The following API5 variants were observed in gnomAD, a reference collection of about 807,000 sequenced individuals.
The protein encoded by API5 is FIF.
API5 carries 6 observed loss-of-function variants against 71.9 expected under a neutral mutation model. The observed-to-expected ratio is 0.08, with a 90% CI of 0.05 to 0.16. API5 has a LOEUF of 0.16. Ranked by LOEUF, API5 falls within the 10% of genes least tolerant of loss-of-function variation. The pLI is 1.00. For synonymous variants in API5, 189 were observed against 221.3 expected (o/e 0.85, Z 1.30); for missense variants, 332 against 612.8 (o/e 0.54, Z 4.84).
chr11:43,342,367 C>T, intron 13 of API5, 61 bp from the exon 14 acceptor site: 1 of 1,418,698 alleles, frequency 7.0e-7, no homozygotes, highest in Non-Finnish European at 9.6e-7. Context: ...TACGTTTCTT[C>T]TGCGTTTGCT....
At chr11:43,316,710 C>T (rs1455014148) in intron 1 of API5, among the ~76,000 whole-genome samples, 3 of 152,064 alleles carry the variant, frequency 2.0e-5, no homozygotes, top group African/African-American at 7.2e-5. Flanking sequence ...CCTCTAACTC[C>T]TGGGCGCGAC....
At position 43,342,636 on chromosome 11, in the gene API5, A is replaced by T. The variant is rs1220084314; in HGVS notation, c.*126A>T. The T allele has an allele frequency of 2.4e-5, 22 of 924,434 alleles. No individual in the cohort carries two copies. The highest frequency in any genetic ancestry group is 3.6e-5 in the Non-Finnish European group (21 of 580,874). The allele number at this position is 924,434 out of a possible 1,614,324, so 57.3% of individuals were successfully genotyped here. A position where few individuals can be genotyped will look rare whatever the true frequency, so the allele number is the denominator to read the frequency against. The stretch of plus-strand genomic sequence containing the variant: ...TTCAGCTAAAAACTTAATGTTCTTT[A>T]TACCTTTGTATGTATGACCTACTTT... On this transcript the variant is annotated 3_prime_UTR_variant, in exon 14 of 14. Coordinates refer to ENST00000531273, the MANE Select transcript of API5 (RefSeq NM_001142930.2).
rs1166768606 is a variant in API5, at chr11:43,328,697, A to G, written c.946-15A>G. Reference sequence around the variant, plus strand: ...GTAGAACAGATTGCAAAATCTGTATATTTTTCTCTCTTAGGAATACATGCC... The same window carrying G: ...GTAGAACAGATTGCAAAATCTGTATGTTTTTCTCTCTTAGGAATACATGCC... On this transcript the variant is annotated splice_polypyrimidine_tract_variant and intron_variant, in intron 8 of 13. Transcript: ENST00000531273. 9 of 1,609,036 alleles carry G rather than the reference A, an allele frequency of 5.6e-6. No homozygotes were observed. The highest frequency in any genetic ancestry group is 1.3e-5 in the African/African-American group (1 of 74,692).
intron 1 of API5, 132 bp downstream of exon 1, chr11:43,312,328 C>T (rs993980252): frequency 6.2e-6 from 6 of 966,162 alleles, no homozygotes; most frequent in Non-Finnish European, 9.4e-6. Context: ...CTCCTCAGGC[C>T]GTCTCGTCGG....
At chr11:43,332,070 A>G in intron 11 of API5, 1 of 152,242 alleles carries the variant, frequency 6.6e-6, no homozygotes, top group East Asian at 1.9e-4. Context: ...TGTTCTTTTC[A>G]AGAATCTGTA....
In API5 at chr11:43,320,868, A is replaced by G. The variant is rs1334225634; in HGVS notation, c.279A>G (p.Glu93=). 3.4e-5 allele frequency: 55 copies of G among 1,612,084 alleles called. No individual in the cohort carries two copies. Among genetic ancestry groups the G allele is most frequent in the Non-Finnish European group, 4.6e-5 (54 of 1,180,024 alleles). ...AACTGCCTCAATTTGCCACTGGAGAAAATCTTCCTCGAGTGGCAGATATAC... is the reference window on the plus strand; with the variant it reads ...AACTGCCTCAATTTGCCACTGGAGAGAATCTTCCTCGAGTGGCAGATATAC... ...IKELPQFATG[E]NLPRVADILT... The change falls in exon 3 of 14, where the codon GAA becomes GAG. Residue 93 remains glutamate, a synonymous_variant. Coordinates refer to ENST00000531273, the MANE Select transcript of API5 (RefSeq NM_001142930.2).
intron 3 of API5, 35 bp from the exon 4 acceptor site, chr11:43,321,375 GT>G: frequency 6.5e-7 from 1 of 1,536,326 alleles, no homozygotes; most frequent in Non-Finnish European, 9.0e-7. Flanking sequence ...TTTTAAATTT[GT>G]TTTATATTCA....
intron 12 of API5, 74 bp from the exon 13 acceptor site, chr11:43,335,784 C>A: frequency 6.8e-7 from 1 of 1,469,542 alleles, no homozygotes; most frequent in Non-Finnish European, 9.1e-7. Context: ...AACTGATATG[C>A]TAAATTATAA....
In API5 at chr11:43,312,035, A is replaced by G. The variant is rs1854486667; in HGVS notation, c.-93A>G. ...CACTGGCGGCAGCTGGAGGTGTAAT[A>G]GTGCGGGTAGTGGGTTTGGAGAAGT... On this transcript the variant is annotated 5_prime_UTR_variant, in exon 1 of 14. It adds an upstream start codon to the 5' untranslated region. Transcript: ENST00000531273. 4 of 1,400,286 alleles carry G rather than the reference A, an allele frequency of 2.9e-6. No homozygotes were observed. Among genetic ancestry groups the G allele is most frequent in the Non-Finnish European group, 4.0e-6 (4 of 1,006,006 alleles). 86.7% of individuals were successfully genotyped at this position (1,400,286 alleles called of 1,614,324 possible).
At chr11:43,326,051 G>A (rs1386119902) in intron 6 of API5, among the ~76,000 whole-genome samples, 1 of 152,070 alleles carries the variant, frequency 6.6e-6, no homozygotes, top group Non-Finnish European at 1.5e-5. Context: ...GGAATCATTA[G>A]GCATCCACCT....
intron 6 of API5, 130 bp downstream of exon 6, chr11:43,323,766 T>A: frequency 2.3e-6 from 2 of 888,196 alleles, no homozygotes; most frequent in Non-Finnish European, 3.4e-6. Context: ...ACCAGAAGTG[T>A]ATTCAGATTT....
intron 1 of API5, 91 bp downstream of exon 1, chr11:43,312,287 C>A: frequency 7.1e-7 from 1 of 1,407,966 alleles, no homozygotes; most frequent in Non-Finnish European, 9.9e-7. Flanking sequence ...CGAGCGGGGG[C>A]TGCGGCTTCA....
At chr11:43,312,428 C>T (rs1292513489) in intron 1 of API5, among the ~76,000 whole-genome samples, 4 of 152,184 alleles carry the variant, frequency 2.6e-5, no homozygotes, top group African/African-American at 9.7e-5. Flanking sequence ...CTTGCCCAGC[C>T]TTTTCTCACC....
At chr11:43,327,694 T>G (rs1855118977) in intron 7 of API5, 95 bp from the exon 8 acceptor site, 1 of 865,190 alleles carries the variant, frequency 1.2e-6, no homozygotes, top group South Asian at 1.9e-5. Context: ...GAAAACATAA[T>G]TGAAAATAAA....
At chr11:43,315,362 C>T (rs1854634652) in intron 1 of API5, among the ~76,000 whole-genome samples, 2 of 152,074 alleles carry the variant, frequency 1.3e-5, no homozygotes, top group Non-Finnish European at 2.9e-5. Context: ...TAAATTATAA[C>T]GTCTCAAGGG....
intron 1 of API5, among the ~76,000 whole-genome samples, chr11:43,316,122 GTA>G (rs1265700641): frequency 6.7e-6 from 1 of 149,600 alleles, no homozygotes; most frequent in Non-Finnish European, 1.5e-5. Flanking sequence ...CACTCTTGTA[GTA>G]GGGTTTTTTG....
At chr11:43,316,763 T>C (rs1012248210) in intron 1 of API5, among the ~76,000 whole-genome samples, 1 of 152,136 alleles carries the variant, frequency 6.6e-6, no homozygotes, top group Non-Finnish European at 1.5e-5. Flanking sequence ...CAAGTGATTC[T>C]CCTCCCTCAG....
intron 13 of API5, chr11:43,340,236 T>G: frequency 2.8e-6 from 1 of 352,890 alleles, no homozygotes; most frequent in South Asian, 2.2e-5. Context: ...GGTAAAATAT[T>G]TCTATACAAG....
intron 1 of API5, among the ~76,000 whole-genome samples, chr11:43,314,074 G>T (rs1046824410): frequency 6.6e-6 from 1 of 151,058 alleles, no homozygotes; most frequent in Non-Finnish European, 1.5e-5. Context: ...GGGCAACAGA[G>T]CAAGACTCCA....
Sources: gnomAD v4.1 joint callset for allele counts (sites outside exome capture counted in the v4.1 genomes callset) on GRCh38, gnomAD v4.1.1 for gene constraint, MANE v1.5 for transcripts, NCBI Gene and HGNC (gene_info 2026-07-23, HGNC 2026-07-21) for gene names.